Variants in SHKBP1 observed in about 807,000 individuals in gnomAD.
The protein encoded by SHKBP1 is SH3KBP1-binding protein 1.
A neutral mutation model predicts 83.9 loss-of-function variants in SHKBP1; 71 were observed. The ratio of observed to expected loss-of-function variants is 0.85; its 90% CI spans 0.70 to 1.03. SHKBP1 has a LOEUF of 1.03. Among genes scored for constraint, SHKBP1 ranks in the 50% least tolerant of loss-of-function variants. The pLI is 0.00. For synonymous variants in SHKBP1, 371 were observed against 398.0 expected, an observed-to-expected ratio of 0.93 and a Z score of 0.81; for missense variants, 824 against 982.4, an observed-to-expected ratio of 0.84 and a Z score of 2.16.
intron 13 of SHKBP1, among the ~76,000 whole-genome samples, chr19:40,587,447 C>A (rs1407295506): frequency 6.6e-6 from 1 of 151,996 alleles, no homozygotes; most frequent in Non-Finnish European, 1.5e-5. Context: ...AAAAATTAGC[C>A]AGGTGTGGTG....
chr19:40,590,350 A>G lies in SHKBP1; in HGVS notation c.1696A>G (p.Thr566Ala). Residue 566 changes from threonine (T) to alanine (A), a missense_variant, in exon 16 of 18, where the codon ACT (threonine) becomes GCT (alanine). Thr to Ala is a moderately conservative substitution (Grantham distance 58, BLOSUM62 0). This residue lies in a region of SHKBP1 where 287 missense variants were observed against 322.9 expected (regional missense o/e 0.89). Coordinates refer to ENST00000291842, the MANE Select transcript of SHKBP1 (RefSeq NM_138392.4). This position sits in a 1 kb window ranked among gnomAD's most constrained non-coding sequence, Gnocchi z 4.6. ...LGSRPRRYLL[T>A]GQANGSLAMW... The stretch of plus-strand genomic sequence containing the variant: ...CTCTCGGCCCCGGCGCTACCTGCTC[A>G]CTGGCCAGGCCAACGGCAGCTTGGC... 6.2e-7 allele frequency: 1 copy of G among 1,612,054 alleles called. No individual in the cohort carries two copies. Among genetic ancestry groups the G allele is most frequent in the Non-Finnish European group, 8.5e-7 (1 of 1,179,432 alleles).
chr19:40,587,132 G>A (rs1176732502), intron 13 of SHKBP1, among the ~76,000 whole-genome samples, 188 bp downstream of exon 13: 4 of 152,184 alleles, frequency 2.6e-5, no homozygotes, highest in African/African-American at 9.7e-5. Context: ...GTCTGGGGAA[G>A]AGTGAATCTG....
At chr19:40,577,721 T>A in intron 4 of SHKBP1, 91 bp downstream of exon 4, 5 of 1,436,276 alleles carry the variant, frequency 3.5e-6, no homozygotes, top group Non-Finnish European at 3.9e-6. Context: ...TGAGCTCCAT[T>A]CTATTAGAAT....
At position 40,583,389 on chromosome 19, in the gene SHKBP1, C is replaced by T. The variant is rs1207169247; in HGVS notation, c.961-9C>T. 3 of 1,566,102 alleles carry T rather than the reference C, an allele frequency of 1.9e-6. No homozygotes were observed. The highest frequency in any genetic ancestry group is 1.4e-5 in the African/African-American group (1 of 73,810). On this transcript the variant is annotated splice_polypyrimidine_tract_variant and intron_variant, in intron 10 of 17. Coordinates refer to ENST00000291842, the MANE Select transcript of SHKBP1 (RefSeq NM_138392.4). ...CTCCCGGCTGCAGCCTGTCCTGCCC[C>T]ACCCCCAGGTCCAGGAGGTGCAGCC...
At chr19:40,589,886 C>G (rs1211734371) in intron 15 of SHKBP1, among the ~76,000 whole-genome samples, 1 of 151,906 alleles carries the variant, frequency 6.6e-6, no homozygotes, top group Non-Finnish European at 1.5e-5. Context: ...AGGCTTTGTC[C>G]TGTGCGGGGA....
intron 13 of SHKBP1, among the ~76,000 whole-genome samples, 189 bp downstream of exon 13, chr19:40,587,133 A>G (rs1465818086): frequency 6.6e-6 from 1 of 152,146 alleles, no homozygotes; most frequent in East Asian, 1.9e-4. Flanking sequence ...TCTGGGGAAG[A>G]GTGAATCTGT....
intron 9 of SHKBP1, 80 bp from the exon 10 acceptor site, chr19:40,582,271 T>A: frequency 8.9e-7 from 1 of 1,128,728 alleles, no homozygotes; most frequent in South Asian, 1.2e-5. Context: ...CACTGAACCC[T>A]CTGGTCCTTG....
At position 40,590,301 on chromosome 19, in the gene SHKBP1, G is replaced by A; in HGVS notation, c.1647G>A (p.Glu549=). 1.2e-6 allele frequency: 2 copies of A among 1,609,040 alleles called. No homozygotes were observed. The highest frequency in any genetic ancestry group is 1.7e-6 in the Non-Finnish European group (2 of 1,178,242). The part of the protein sequence containing the change: ...GSPTTAFTVL[E]CEGSRRLGSR... ...CCACGACAGCCTTCACAGTGCTGGA[G>A]TGCGAGGGCTCCCGGCGGCTCGGCT... The change falls in exon 16 of 18, where the codon GAG becomes GAA. Residue 549 remains glutamate (E), a synonymous_variant. Coordinates refer to ENST00000291842, the MANE Select transcript of SHKBP1 (RefSeq NM_138392.4). The surrounding 1 kb of genome is among the most constrained non-coding windows in gnomAD (Gnocchi z 4.6).
At chr19:40,580,225 C>T (rs2081256248) in intron 6 of SHKBP1, 99 bp from the exon 7 acceptor site, 3 of 1,394,692 alleles carry the variant, frequency 2.2e-6, no homozygotes, top group Non-Finnish European at 2.9e-6. Context: ...AGACTATGTC[C>T]CACACATGGG....
At chr19:40,577,178 A>G in intron 1 of SHKBP1, 53 bp from the exon 2 acceptor site, 14 of 1,602,846 alleles carry the variant, frequency 8.7e-6, no homozygotes, top group Non-Finnish European at 1.1e-5. Context: ...AGGGGGACGC[A>G]TTCCTCACCC....
At chr19:40,579,571 C>G (rs1042269367) in intron 6 of SHKBP1, among the ~76,000 whole-genome samples, 4 of 152,020 alleles carry the variant, frequency 2.6e-5, no homozygotes, top group Non-Finnish European at 4.4e-5. Context: ...TGCTGGAGTG[C>G]GAGGATCGCT....
Position 40,576,934 on chromosome 19 carries a change from C to A in SHKBP1, c.35C>A (p.Pro12His). 1 of 1,492,584 alleles carries A rather than the reference C, an allele frequency of 6.7e-7. No individual in the cohort carries two copies. Among genetic ancestry groups the A allele is most frequent in the Non-Finnish European group, 8.9e-7 (1 of 1,125,566 alleles). The allele number at this position is 1,492,584 out of a possible 1,614,324, so 92.5% of individuals were successfully genotyped here. A position where few individuals can be genotyped will look rare whatever the true frequency, so the allele number is the denominator to read the frequency against. The change falls in exon 1 of 18, where the codon CCC becomes CAC. Residue 12 changes from proline to histidine, a missense_variant. Pro to His is a moderately conservative substitution (Grantham distance 77). Around this residue, in one of 3 missense-constraint regions of SHKBP1, gnomAD observed 355 missense variants for 386.4 expected, o/e 0.92. Transcript: ENST00000291842. ...GCGGCTACTGCAGCCGAGGGGGTCC[C>A]CAGTCGGGGGCCTCCCGGGGAAGTC... ...AAAATAAEGVPSRGPPGEVIH... is the reference protein window; with the variant it reads ...AAAATAAEGVHSRGPPGEVIH...
intron 12 of SHKBP1, among the ~76,000 whole-genome samples, chr19:40,586,179 T>C (rs79591840): frequency 0.034 from 5,114 of 151,922 alleles, 293 homozygotes; most frequent in African/African-American, 0.12. Flanking sequence ...TTCTCTGTTT[T>C]ACTTTCTCTT....
chr19:40,578,036 T>G, intron 4 of SHKBP1, 118 bp from the exon 5 acceptor site: 1 of 822,840 alleles, frequency 1.2e-6, no homozygotes, highest in Non-Finnish European at 2.1e-6. Context: ...AGCATCTTTA[T>G]TCCATCAAAA....
chr19:40,577,333 C>G (rs755555765), intron 2 of SHKBP1, 49 bp downstream of exon 2: 3 of 1,613,362 alleles, frequency 1.9e-6, no homozygotes, highest in Non-Finnish European at 2.5e-6. Context: ...ATGGAGAGGG[C>G]GTGGGAGACC....
rs2081345542 is a variant in SHKBP1, at chr19:40,590,154, A to G, written c.1590-90A>G. 1.5e-6 allele frequency: 2 copies of G among 1,374,700 alleles called. No individual in the cohort carries two copies. Among genetic ancestry groups the G allele is most frequent in the East Asian group, 5.1e-5 (2 of 39,222 alleles). 85.2% of individuals were successfully genotyped at this position (1,374,700 alleles called of 1,614,324 possible). The stretch of plus-strand genomic sequence containing the variant: ...GGATAAAGATTGGGATGGCCCCTGG[A>G]GAGGCAGGAACTGCAGCCACAGTGG... On this transcript the variant is annotated intron_variant, in intron 15 of 17. Coordinates refer to ENST00000291842, the MANE Select transcript of SHKBP1 (RefSeq NM_138392.4). This position sits in a 1 kb window ranked among gnomAD's most constrained non-coding sequence, Gnocchi z 4.6.
intron 12 of SHKBP1, among the ~76,000 whole-genome samples, chr19:40,584,745 C>T (rs1158644687): frequency 1.3e-5 from 2 of 152,120 alleles, no homozygotes; most frequent in Non-Finnish European, 2.9e-5. Context: ...CCTCAGCTTC[C>T]TGAGTAGGGG....
At position 40,579,294 on chromosome 19, in the gene SHKBP1, A is replaced by G. The variant is rs74817505; in HGVS notation, c.400+752A>G. Among the ~76,000 whole-genome samples the G allele has an allele frequency of 6.6e-3, 1,009 of 152,222 alleles. 14 individuals carry two copies. Among genetic ancestry groups the G allele is most frequent in the African/African-American group, 0.023 (966 of 41,508 alleles). The stretch of plus-strand genomic sequence containing the variant: ...ACCATGCCCGGCTAATTAAAAAAAT[A>G]ATAATCATTTTAAATGCAAGCTTTA... On this transcript the variant is annotated intron_variant, in intron 6 of 17. Coordinates refer to ENST00000291842, the MANE Select transcript of SHKBP1 (RefSeq NM_138392.4).
intron 12 of SHKBP1, 76 bp from the exon 13 acceptor site, chr19:40,586,698 T>A (rs1415942702): frequency 1.2e-5 from 16 of 1,363,774 alleles, no homozygotes; most frequent in South Asian, 1.6e-5. Context: ...CTCTGTTCTG[T>A]GCCTGTTTCT....
Sources: allele counts gnomAD v4.1 joint callset (sites outside exome capture counted in the v4.1 genomes callset), GRCh38; gene constraint gnomAD v4.1.1; regional missense constraint gnomAD v4.1.1; non-coding constraint Gnocchi (gnomAD v3.1); transcripts MANE v1.5; gene names NCBI Gene and HGNC (gene_info 2026-07-23, HGNC 2026-07-21).